The following ASH1L variants were observed in gnomAD, a reference collection of about 807,000 sequenced individuals.
ASH1L encodes the protein histone-lysine N-methyltransferase ASH1L.
In ASH1L, 23 loss-of-function variants were observed where a neutral mutation model predicts 269.0. That is an observed-to-expected ratio of 0.09 (90% CI 0.06 to 0.12). The LOEUF (loss-of-function observed/expected upper bound fraction) is 0.12. Ranked by LOEUF, ASH1L falls within the 10% of genes least tolerant of loss-of-function variation. ASH1L has a pLI of 1.00. For synonymous variants in ASH1L, 1,187 were observed against 1,253.5 expected, an observed-to-expected ratio of 0.95 and a Z score of 1.12; for missense variants, 2,912 against 3,567.8, an observed-to-expected ratio of 0.82 and a Z score of 4.68.
At chr1:155,425,625 C>T (rs561787666) in intron 5 of ASH1L, among the ~76,000 whole-genome samples, 27 of 151,184 alleles carry the variant, frequency 1.8e-4, no homozygotes, top group Non-Finnish European at 3.1e-4. Context: ...TAGTAGAGAC[C>T]AGGTTTCACC....
intron 4 of ASH1L, among the ~76,000 whole-genome samples, chr1:155,445,831 T>C (rs1274192303): frequency 1.3e-5 from 2 of 152,116 alleles, no homozygotes. Flanking sequence ...TTTTTTGTGA[T>C]TTAATTTTAA....
intron 6 of ASH1L, among the ~76,000 whole-genome samples, chr1:155,413,329 GGCATGGTGGCTCAC>G (rs1659949290): frequency 6.6e-6 from 1 of 152,096 alleles, no homozygotes; most frequent in African/African-American, 2.4e-5. Context: ...GCATGGGCCA[GGCATGGTGGCTCAC>G]GCCTGTAATC....
intron 5 of ASH1L, among the ~76,000 whole-genome samples, chr1:155,420,376 A>C (rs1028931615): frequency 6.6e-6 from 1 of 150,910 alleles, no homozygotes; most frequent in African/African-American, 2.4e-5. Flanking sequence ...AAAAAAAAAA[A>C]AACAAAAACA....
chr1:155,367,428 A>C (rs1024656811), intron 12 of ASH1L, among the ~76,000 whole-genome samples: 19 of 152,178 alleles, frequency 1.2e-4, no homozygotes, highest in African/African-American at 4.1e-4. Flanking sequence ...GAAATTTCCC[A>C]TGTGTATAAT....
At chr1:155,531,648 C>G (rs1342586771) in intron 1 of ASH1L, among the ~76,000 whole-genome samples, 1 of 152,024 alleles carries the variant, frequency 6.6e-6, no homozygotes. Flanking sequence ...TATTTCCCCC[C>G]CTAAAAATGT....
chr1:155,341,035 G>A (rs1393254010), intron 25 of ASH1L, among the ~76,000 whole-genome samples: 3 of 152,062 alleles, frequency 2.0e-5, no homozygotes, highest in Admixed American at 1.3e-4. Flanking sequence ...GCAATGGCGC[G>A]ATCTTGGCTC....
At chr1:155,544,719 G>C (rs1670671537) in intron 1 of ASH1L, among the ~76,000 whole-genome samples, 1 of 151,554 alleles carries the variant, frequency 6.6e-6, no homozygotes, top group Non-Finnish European at 1.5e-5. Flanking sequence ...AATAAGATTG[G>C]GAGAAAATAT....
intron 7 of ASH1L, among the ~76,000 whole-genome samples, chr1:155,388,164 C>T (rs1181631380): frequency 6.6e-6 from 1 of 152,186 alleles, no homozygotes; most frequent in Non-Finnish European, 1.5e-5. Context: ...GGGGAGGGCA[C>T]TAAGGTCCCT....
At chr1:155,425,822 C>T (rs1307845580) in intron 5 of ASH1L, among the ~76,000 whole-genome samples, 1 of 152,006 alleles carries the variant, frequency 6.6e-6, no homozygotes, top group Non-Finnish European at 1.5e-5. Context: ...AGGTGATCCA[C>T]CCACCTCAGC....
At position 155,347,879 on chromosome 1, in the gene ASH1L, A is replaced by G; in HGVS notation, c.7580T>C (p.Val2527Ala). ...AEKYYGRKSP[V>A]GRDVCRLRKA... The stretch of plus-strand genomic sequence containing the variant: ...TCGTAGACGACAAACATCTCTCCCA[A>G]CTGGGGATTTACGCCCATAGTACTT... The change falls in exon 20 of 28, where the codon GTT (valine) becomes GCT (alanine). Residue 2527 changes from valine (V) to alanine (A), a missense_variant. Transcript: ENST00000392403. The G allele has an allele frequency of 6.2e-7, 1 of 1,614,196 alleles. No homozygotes were observed. Among genetic ancestry groups the G allele is most frequent in the East Asian group, 2.2e-5 (1 of 44,884 alleles).
rs1484474562 is a variant in ASH1L at position 155,344,170 on chromosome 1, C to T, written c.7981+13G>A. The T allele has an allele frequency of 1.2e-6, 2 of 1,612,080 alleles. No individual in the cohort carries two copies. Among genetic ancestry groups the T allele is most frequent in the African/African-American group, 1.3e-5 (1 of 74,834 alleles). On this transcript the variant is annotated intron_variant, in intron 22 of 27. Transcript: ENST00000392403. Reference sequence around the variant, plus strand: ...TCACCTCTGACAAGTAGGATTAGCTCCTGTATACATACCCTGACGAAGCAG... The same window carrying T: ...TCACCTCTGACAAGTAGGATTAGCTTCTGTATACATACCCTGACGAAGCAG...
chr1:155,361,872 CAAAAAAAAAAAA>C (rs771879733), intron 12 of ASH1L, among the ~76,000 whole-genome samples: 1 of 58,686 alleles, frequency 1.7e-5, no homozygotes, highest in South Asian at 5.6e-4. Context: ...GACTCCGTCT[CAAAAAAAAAAAA>C]AAAAAAAAGG....
chr1:155,344,892 G>A (rs58792464), intron 21 of ASH1L, among the ~76,000 whole-genome samples: 1 of 152,084 alleles, frequency 6.6e-6, no homozygotes, highest in African/African-American at 2.4e-5. Context: ...ATGACGTTAA[G>A]GGTACCAAGT....
chr1:155,479,222 T>C lies in ASH1L; in HGVS notation c.3648A>G (p.Lys1216=), dbSNP rs1436701850. ...GCCTCCTCTTTTTTTGCCCACAAAA[T>C]TTCTCTGCCCTGTCTGATGTGCTGT... ...DNNSTSDRAE[K]FCGQKKRRHS... The change falls in exon 3 of 28, where the codon AAA becomes AAG. Residue 1216 remains lysine (K), a synonymous_variant. Transcript: ENST00000392403. 2.5e-6 allele frequency: 4 copies of C among 1,614,018 alleles called. No individual in the cohort carries two copies. Among genetic ancestry groups the C allele is most frequent in the Non-Finnish European group, 3.4e-6 (4 of 1,180,008 alleles).
In ASH1L at chr1:155,521,050, G is replaced by A. The variant is rs1470338186; in HGVS notation, c.420+50C>T. The A allele has an allele frequency of 2.7e-6, 4 of 1,493,114 alleles. No homozygotes were observed. The Admixed American group carries it at 6.6e-5, about 25-fold the overall frequency. The allele number at this position is 1,493,114 out of a possible 1,614,324, so 92.5% of individuals were successfully genotyped here. On this transcript the variant is annotated intron_variant, in intron 2 of 27. Coordinates refer to ENST00000392403, the MANE Select transcript of ASH1L (RefSeq NM_018489.3). ...ACATATATAGGATAAAAATTAATAG[G>A]GAAATGAAAATATTGTCAATAACCA...
At chr1:155,433,115 T>C (rs1661729188) in intron 5 of ASH1L, 15 of 1,380,396 alleles carry the variant, frequency 1.1e-5, no homozygotes, top group South Asian at 2.9e-5. Flanking sequence ...AATAGACTGA[T>C]AGAAAGGAAT....
At chr1:155,360,978 C>T (rs1432581278) in intron 12 of ASH1L, among the ~76,000 whole-genome samples, 7 of 151,840 alleles carry the variant, frequency 4.6e-5, no homozygotes, top group South Asian at 2.1e-4. Context: ...CCGTAGCTCA[C>T]GCCTGTAATC....
intron 12 of ASH1L, among the ~76,000 whole-genome samples, chr1:155,363,348 T>A (rs1278512465): frequency 6.6e-6 from 1 of 152,040 alleles, no homozygotes; most frequent in African/African-American, 2.4e-5. Context: ...CAATCTCAGC[T>A]CCCTGCAACC....
chr1:155,472,221 C>G (rs761192110), intron 3 of ASH1L, among the ~76,000 whole-genome samples: 1 of 152,132 alleles, frequency 6.6e-6, no homozygotes, highest in Non-Finnish European at 1.5e-5. Flanking sequence ...ACCCAGGAGG[C>G]GGGTTTTGCA....
Sources: allele counts gnomAD v4.1 joint callset (sites outside exome capture counted in the v4.1 genomes callset), GRCh38; gene constraint gnomAD v4.1.1; transcripts MANE v1.5; gene names NCBI Gene and HGNC (gene_info 2026-07-23, HGNC 2026-07-21).